The following ZNF148 variants were observed in gnomAD, a reference collection of about 807,000 sequenced individuals.
ZNF148 encodes the protein zinc finger protein 148, also known as Beta-Enolase Repressor Factor-1.
Under a neutral mutation model 67.7 loss-of-function variants are expected in ZNF148, and 7 were observed. The observed-to-expected ratio is 0.10, with a 90% CI of 0.06 to 0.19. The LOEUF (loss-of-function observed/expected upper bound fraction) is 0.19. ZNF148 is among the 10% of genes least tolerant of loss of function. ZNF148 has a pLI of 1.00. For missense variants in ZNF148, 583 were observed against 947.1 expected (o/e 0.62, Z 5.05); for synonymous variants, 333 against 330.7 (o/e 1.01, Z -0.08).
At chr3:125,258,520 T>C (rs572318832) in intron 7 of ZNF148, among the ~76,000 whole-genome samples, 4 of 150,804 alleles carry the variant, frequency 2.7e-5, no homozygotes, top group Admixed American at 2.6e-4. Context: ...TCCCACCTTA[T>C]CCTCCCAAGT....
At chr3:125,259,756 G>C (rs1200323487) in intron 7 of ZNF148, among the ~76,000 whole-genome samples, 1 of 152,132 alleles carries the variant, frequency 6.6e-6, no homozygotes, top group Non-Finnish European at 1.5e-5. Flanking sequence ...GAGGTCAGGG[G>C]GCTACAGTAG....
At chr3:125,311,034 C>T (rs550701407) in intron 4 of ZNF148, 15 of 205,652 alleles carry the variant, frequency 7.3e-5, no homozygotes, top group Non-Finnish European at 1.3e-4. Flanking sequence ...ATGACCTCAA[C>T]GGTGCCTATG....
At chr3:125,257,447 G>A (rs980915473) in intron 7 of ZNF148, among the ~76,000 whole-genome samples, 6 of 151,420 alleles carry the variant, frequency 4.0e-5, no homozygotes, top group African/African-American at 7.3e-5. Flanking sequence ...TCCCAGCTAC[G>A]TGGGAGGCTG....
chr3:125,313,284 A>G, intron 4 of ZNF148, 24 bp downstream of exon 4: 2 of 1,559,226 alleles, frequency 1.3e-6, no homozygotes, highest in Non-Finnish European at 1.7e-6. Context: ...TCTAAGTTTA[A>G]TATCTTATAA....
intron 2 of ZNF148, among the ~76,000 whole-genome samples, chr3:125,326,630 TATC>T (rs1280468721): frequency 1.3e-5 from 2 of 149,542 alleles, no homozygotes; most frequent in Non-Finnish European, 3.0e-5. Context: ...TAAAGGATCA[TATC>T]ATATATAAAC....
chr3:125,365,592 G>T (rs1942676831), intron 1 of ZNF148, among the ~76,000 whole-genome samples: 1 of 152,086 alleles, frequency 6.6e-6, no homozygotes. Context: ...CTGAGGGAGG[G>T]GATCACTGGA....
chr3:125,314,033 C>T (rs1420035013), intron 3 of ZNF148, among the ~76,000 whole-genome samples: 2 of 151,836 alleles, frequency 1.3e-5, no homozygotes, highest in African/African-American at 2.4e-5. Flanking sequence ...ACTGACAGAA[C>T]ATCATCAAGC....
intron 7 of ZNF148, among the ~76,000 whole-genome samples, chr3:125,266,513 C>A (rs1020304358): frequency 3.9e-5 from 6 of 152,254 alleles, no homozygotes; most frequent in African/African-American, 7.2e-5. Flanking sequence ...TCAAAATATT[C>A]TTTGAAACAA....
chr3:125,263,847 G>C lies in ZNF148; in HGVS notation c.667+13879C>G, dbSNP rs116260861. ...GGGACCCTAGATAGCTTCAGGATAGGGGCTGGTCACCAGAAAGACAAGGCC... is the reference window on the plus strand; with the variant it reads ...GGGACCCTAGATAGCTTCAGGATAGCGGCTGGTCACCAGAAAGACAAGGCC... On this transcript the variant is annotated intron_variant, in intron 7 of 8. Transcript: ENST00000360647. Among the ~76,000 whole-genome samples the C allele has an allele frequency of 5.4e-3, 818 of 152,264 alleles. 6 individuals carry two copies. The highest frequency in any genetic ancestry group is 0.019 in the African/African-American group (772 of 41,536).
intron 1 of ZNF148, among the ~76,000 whole-genome samples, chr3:125,360,819 A>AC (rs1351636755): frequency 6.7e-6 from 1 of 150,280 alleles, no homozygotes; most frequent in Non-Finnish European, 1.5e-5. Context: ...TCTCTTTAAA[A>AC]AAAAAAAATT....
At chr3:125,346,584 C>T (rs1215280142) in intron 1 of ZNF148, among the ~76,000 whole-genome samples, 1 of 152,204 alleles carries the variant, frequency 6.6e-6, no homozygotes, top group African/African-American at 2.4e-5. Context: ...GATTGGATCA[C>T]ACGAGCAGTT....
At chr3:125,260,507 AT>A (rs1367468213) in intron 7 of ZNF148, among the ~76,000 whole-genome samples, 4 of 152,230 alleles carry the variant, frequency 2.6e-5, no homozygotes, top group African/African-American at 9.6e-5. Context: ...AGTAAGTCAG[AT>A]TCAAAAAGCT....
intron 1 of ZNF148, among the ~76,000 whole-genome samples, chr3:125,364,966 T>A (rs1226562355): frequency 6.6e-6 from 1 of 152,152 alleles, no homozygotes; most frequent in Admixed American, 6.6e-5. Flanking sequence ...GTCACTCATA[T>A]CACTCCTTCT....
chr3:125,279,140 A>G lies in ZNF148; in HGVS notation c.567T>C (p.His189=), dbSNP rs529304291. 3.7e-6 allele frequency: 6 copies of G among 1,604,386 alleles called. No homozygotes were observed. In the African/African-American group the frequency reaches 6.7e-5, roughly 18 times the overall value. Residue 189 remains histidine, a synonymous_variant, in exon 6 of 9, where the codon CAT becomes CAC. Transcript: ENST00000360647. ...AFRTNYHLQR[H]VFIHTGEKPF... is the part of the protein sequence containing the mutation. ...AAGAAATACCTGTATGAATGAAGAC[A>G]TGTCTCTGTAAGTGATAGTTCGTTC...
Position 125,313,648 on chromosome 3 carries a change from T to G in ZNF148, c.-8A>C. 3 of 1,597,158 alleles carry G rather than the reference T, an allele frequency of 1.9e-6. No individual in the cohort carries two copies. The highest frequency in any genetic ancestry group is 2.6e-6 in the Non-Finnish European group (3 of 1,167,008). ...TTTGTCGTCAATGTTCATGCTTAAGTATAACTGCCTAGAAAACCAAGTTTG... is the reference window on the plus strand; with the variant it reads ...TTTGTCGTCAATGTTCATGCTTAAGGATAACTGCCTAGAAAACCAAGTTTG... On this transcript the variant is annotated 5_prime_UTR_variant, in exon 4 of 9. Coordinates refer to ENST00000360647, the MANE Select transcript of ZNF148 (RefSeq NM_021964.3).
chr3:125,340,462 G>A (rs1217706417), intron 1 of ZNF148, among the ~76,000 whole-genome samples: 1 of 152,168 alleles, frequency 6.6e-6, no homozygotes, highest in Non-Finnish European at 1.5e-5. Flanking sequence ...AAAGTTACCA[G>A]GACAGGCGAG....
Position 125,231,440 on chromosome 3 carries a change from A to G in ZNF148, c.*901T>C, listed in dbSNP as rs534219320. The G allele has an allele frequency of 7.9e-5, 12 of 152,682 alleles. No homozygotes were observed. The East Asian group carries it at 2.1e-3, about 27-fold the overall frequency. 9.5% of individuals were successfully genotyped at this position (152,682 alleles called of 1,614,324 possible). On this transcript the variant is annotated 3_prime_UTR_variant, in exon 9 of 9. Transcript: ENST00000360647. ...AAGTGCTCTATGTTAACTGAAGTGT[A>G]TATGTAAAGTAAAATACAATTAAGC...
intron 7 of ZNF148, among the ~76,000 whole-genome samples, chr3:125,254,843 T>G (rs1937001977): frequency 6.6e-6 from 1 of 152,200 alleles, no homozygotes; most frequent in Admixed American, 6.5e-5. Context: ...TAATGTACTT[T>G]CTGATCTGTT....
intron 5 of ZNF148, among the ~76,000 whole-genome samples, chr3:125,280,294 G>T (rs1389050791): frequency 6.6e-6 from 1 of 152,028 alleles, no homozygotes; most frequent in South Asian, 2.1e-4. Flanking sequence ...GAGATTAAGA[G>T]TATTGCAAGC....
Sources: gnomAD v4.1 joint callset for allele counts (sites outside exome capture counted in the v4.1 genomes callset) on GRCh38, gnomAD v4.1.1 for gene constraint, MANE v1.5 for transcripts, NCBI Gene and HGNC (gene_info 2026-07-23, HGNC 2026-07-21) for gene names.